The following FHOD1 variants were observed in gnomAD, a reference collection of about 807,000 sequenced individuals.
FHOD1 encodes the protein formin homology 2 domain containing 1.
In FHOD1, 89 loss-of-function variants were observed where a neutral mutation model predicts 111.6. That is an observed-to-expected ratio of 0.80 (90% CI 0.67 to 0.95). FHOD1 has a LOEUF of 0.95. Ranked by LOEUF, FHOD1 falls within the 40% of genes least tolerant of loss-of-function variation. The pLI is 0.00. For synonymous variants in FHOD1, 618 were observed against 639.0 expected (o/e 0.97, Z 0.50); for missense variants, 1,446 against 1,554.2 (o/e 0.93, Z 1.17).
intron 11 of FHOD1, chr16:67,234,754 CTGGTTTTTTTTTGGT>C (rs1453462508): frequency 9.7e-6 from 4 of 414,376 alleles, no homozygotes; most frequent in South Asian, 8.3e-5. Context: ...GTTCACTGTC[CTGGTTTTTTTTTGGT>C]TGGTTTTTTT....
intron 1 of FHOD1, among the ~76,000 whole-genome samples, chr16:67,245,455 GT>G (rs1219163113): frequency 6.6e-6 from 1 of 152,108 alleles, no homozygotes; most frequent in Non-Finnish European, 1.5e-5. Context: ...GGGAAGAGGT[GT>G]GTCAAGGGGC....
rs2034582394 is a variant in FHOD1, at chr16:67,238,662, C to T, written c.374-215G>A. 4.6e-6 allele frequency: 3 copies of T among 659,238 alleles called. No homozygotes were observed. The highest frequency in any genetic ancestry group is 8.0e-6 in the Non-Finnish European group (3 of 372,970). 40.8% of individuals were successfully genotyped at this position (659,238 alleles called of 1,614,324 possible). On this transcript the variant is annotated intron_variant, in intron 3 of 21. Transcript: ENST00000258201. This position sits in a 1 kb window ranked among gnomAD's most constrained non-coding sequence, Gnocchi z 4.2. ...AAACTCCTAGCCTCAAGCAATTCTCCCACCTTGACCTCTCAAAGCACTGGC... is the reference window on the plus strand; with the variant it reads ...AAACTCCTAGCCTCAAGCAATTCTCTCACCTTGACCTCTCAAAGCACTGGC...
In FHOD1 at chr16:67,239,446, A is replaced by G. The variant is rs770781946; in HGVS notation, c.210T>C (p.Asp70=). Residue 70 remains aspartate, a synonymous_variant, in exon 2 of 22, where the codon GAT becomes GAC. Coordinates refer to ENST00000258201, the MANE Select transcript of FHOD1 (RefSeq NM_013241.3). ...CGGAGGGAGACACTTGCAGAGCACA[A>G]TCCTCCAACTGGGGGCAAAGGGAAC... ...RLLGAPLKLE[D]CALQVSPSGY... 5.0e-6 allele frequency: 8 copies of G among 1,613,400 alleles called. No individual in the cohort carries two copies. Among genetic ancestry groups the G allele is most frequent in the African/African-American group, 1.3e-5 (1 of 74,928 alleles).
intron 2 of FHOD1, 145 bp from the exon 3 acceptor site, chr16:67,239,112 C>T (rs1304546479): frequency 1.2e-5 from 10 of 822,046 alleles, no homozygotes; most frequent in Non-Finnish European, 2.0e-5. Flanking sequence ...AAGGGTTGGT[C>T]GGACAAGAGG....
chr16:67,231,151 C>G lies in FHOD1; in HGVS notation c.2667+37G>C. The G allele has an allele frequency of 1.3e-5, 21 of 1,609,908 alleles. No homozygotes were observed. Among genetic ancestry groups the G allele is most frequent in the Non-Finnish European group, 1.8e-5 (21 of 1,177,462 alleles). On this transcript the variant is annotated intron_variant, in intron 17 of 21. Transcript: ENST00000258201. This position sits in a 1 kb window ranked among gnomAD's most constrained non-coding sequence, Gnocchi z 4.3. ...GGCCCAGGAAGCAGCGCTCCTCATG[C>G]CTTGTCCGGCCTTGGTTGATTCTGG...
At chr16:67,230,984 A>G in intron 17 of FHOD1, 193 bp from the exon 18 acceptor site, 1 of 836,998 alleles carries the variant, frequency 1.2e-6, no homozygotes, top group Non-Finnish European at 1.8e-6. Flanking sequence ...GGGAAGTGGC[A>G]GTTAAACAGA....
chr16:67,242,606 C>A (rs1463912727), intron 1 of FHOD1, among the ~76,000 whole-genome samples: 1 of 152,234 alleles, frequency 6.6e-6, no homozygotes, highest in Non-Finnish European at 1.5e-5. Context: ...CTGGTCCTTG[C>A]TGACGGGGCT....
At chr16:67,233,520 T>G in intron 13 of FHOD1, 137 bp downstream of exon 13, 1 of 1,272,800 alleles carries the variant, frequency 7.9e-7, no homozygotes, top group South Asian at 1.7e-5. Flanking sequence ...TTAGGAGACC[T>G]TGGACAATTT....
intron 13 of FHOD1, among the ~76,000 whole-genome samples, chr16:67,232,456 T>C (rs2034317094): frequency 6.7e-6 from 1 of 150,036 alleles, no homozygotes; most frequent in African/African-American, 2.5e-5. Flanking sequence ...GAGGCGGAGC[T>C]TGCAGTGAGC....
intron 13 of FHOD1, among the ~76,000 whole-genome samples, 177 bp downstream of exon 13, chr16:67,233,480 G>T (rs1474634461): frequency 6.6e-6 from 1 of 152,214 alleles, no homozygotes; most frequent in Admixed American, 6.5e-5. Flanking sequence ...GCCACATTTA[G>T]ATTCTAGTTG....
At position 67,238,133 on chromosome 16, in the gene FHOD1, G is replaced by T. The variant is rs1190259059; in HGVS notation, c.548-5C>A. 6.2e-7 allele frequency: 1 copy of T among 1,614,118 alleles called. No homozygotes were observed. The highest frequency in any genetic ancestry group is 1.7e-5 in the Admixed American group (1 of 60,024). Reference sequence around the variant, plus strand: ...AGAGCATCAGCTGGCCGAGCGCTGGGGAAACAGGGATGGGCAGAGTCAGCG... The same window carrying T: ...AGAGCATCAGCTGGCCGAGCGCTGGTGAAACAGGGATGGGCAGAGTCAGCG... On this transcript the variant is annotated splice_region_variant and splice_polypyrimidine_tract_variant and intron_variant, in intron 5 of 21. Coordinates refer to ENST00000258201, the MANE Select transcript of FHOD1 (RefSeq NM_013241.3). This position sits in a 1 kb window ranked among gnomAD's most constrained non-coding sequence, Gnocchi z 4.2.
At chr16:67,236,461 C>T (rs2034479329) in intron 11 of FHOD1, 96 bp downstream of exon 11, 6 of 1,539,960 alleles carry the variant, frequency 3.9e-6, no homozygotes, top group African/African-American at 1.4e-5. Context: ...AGAAAGCACG[C>T]GTTTGGGCAG....
chr16:67,245,537 G>C (rs2034785866), intron 1 of FHOD1, among the ~76,000 whole-genome samples: 1 of 152,156 alleles, frequency 6.6e-6, no homozygotes, highest in African/African-American at 2.4e-5. Flanking sequence ...CTGAGGTCAG[G>C]AGTTTGAGAC....
intron 13 of FHOD1, among the ~76,000 whole-genome samples, chr16:67,232,413 G>T (rs2034314867): frequency 6.6e-6 from 1 of 151,816 alleles, no homozygotes; most frequent in South Asian, 2.1e-4. Flanking sequence ...CAGCTACTCG[G>T]GAGGCTGAGG....
Position 67,247,288 on chromosome 16 carries a change from G to A in FHOD1, c.123C>T (p.Pro41=), listed in dbSNP as rs2034898130. The A allele has an allele frequency of 6.2e-7, 1 of 1,612,768 alleles. No individual in the cohort carries two copies. Among genetic ancestry groups the A allele is most frequent in the South Asian group, 1.1e-5 (1 of 91,054 alleles). ...GCAGCGCCCCGTCCAGGCTGCAGGT[G>A]GGGGCCCGGCGCGGCTCCGGAAAGT... ...CANFPEPRRA[P]TCSLDGALPL... The change falls in exon 1 of 22, where the codon CCC becomes CCT. Residue 41 remains proline (P), a synonymous_variant. Coordinates refer to ENST00000258201, the MANE Select transcript of FHOD1 (RefSeq NM_013241.3).
intron 1 of FHOD1, among the ~76,000 whole-genome samples, chr16:67,243,660 C>T (rs1376952339): frequency 1.3e-5 from 2 of 152,190 alleles, no homozygotes; most frequent in African/African-American, 4.8e-5. Flanking sequence ...CCTGGAAATG[C>T]TCCAAGGAAC....
rs1357781614 is a variant in FHOD1 at position 67,232,079 on chromosome 16, A to G, written c.2162T>C (p.Leu721Pro). The G allele has an allele frequency of 6.2e-7, 1 of 1,614,230 alleles. No homozygotes were observed. The highest frequency in any genetic ancestry group is 1.7e-5 in the Admixed American group (1 of 60,028). The change falls in exon 14 of 22, where the codon CTC (leucine) becomes CCC (proline). Residue 721 changes from leucine (L) to proline (P), a missense_variant. Around this residue, in one of 3 missense-constraint regions of FHOD1, gnomAD observed 1,085 missense variants for 1,108.8 expected, o/e 0.98. Transcript: ENST00000258201. ...PPVHVIKAALLNFDEFAVSKD... is the reference protein window; with the variant it reads ...PPVHVIKAALPNFDEFAVSKD... The stretch of plus-strand genomic sequence containing the variant: ...GCTGACAGCAAACTCATCAAAGTTG[A>G]GCAGAGCAGCCTTAATGACATGCAC...
chr16:67,239,275 A>C (rs2034600453), intron 2 of FHOD1, 73 bp downstream of exon 2: 1 of 1,169,396 alleles, frequency 8.6e-7, no homozygotes, highest in Non-Finnish European at 1.3e-6. Context: ...CGAGTGTCTC[A>C]GCTGCTGACA....
chr16:67,230,495 A>G lies in FHOD1; in HGVS notation c.2870T>C (p.Phe957Ser). 6.2e-7 allele frequency: 1 copy of G among 1,614,242 alleles called. No individual in the cohort carries two copies. Among genetic ancestry groups the G allele is most frequent in the Non-Finnish European group, 8.5e-7 (1 of 1,180,028 alleles). ...HRRVCNRFHA[F>S]LLYLGYTPQA... ...CGGGGTGTAGCCCAGGTAGAGCAGGAAGGCATGGAACCTAGGCAGGTCAGA... is the reference window on the plus strand; with the variant it reads ...CGGGGTGTAGCCCAGGTAGAGCAGGGAGGCATGGAACCTAGGCAGGTCAGA... Residue 957 changes from phenylalanine to serine, a missense_variant, in exon 19 of 22, where the codon TTC becomes TCC. Around this residue, in one of 3 missense-constraint regions of FHOD1, gnomAD observed 1,085 missense variants for 1,108.8 expected, o/e 0.98. Coordinates refer to ENST00000258201, the MANE Select transcript of FHOD1 (RefSeq NM_013241.3).
Sources: gnomAD v4.1 joint callset for allele counts (sites outside exome capture counted in the v4.1 genomes callset) on GRCh38, gnomAD v4.1.1 for gene constraint, gnomAD v4.1.1 regional missense constraint, Gnocchi (gnomAD v3.1) non-coding constraint, MANE v1.5 for transcripts, NCBI Gene and HGNC (gene_info 2026-07-23, HGNC 2026-07-21) for gene names.